Variants in RASAL2 observed in about 807,000 individuals in gnomAD.
The protein encoded by RASAL2 is RAS protein activator like 2.
RASAL2 carries 58 observed loss-of-function variants against 128.9 expected under a neutral mutation model. The observed-to-expected ratio is 0.45, with a 90% CI of 0.36 to 0.56. The LOEUF (loss-of-function observed/expected upper bound fraction) is 0.56. Among genes scored for constraint, RASAL2 ranks in the 20% least tolerant of loss-of-function variants. The pLI is 0.00. For missense variants in RASAL2, 1,360 were observed against 1,601.6 expected (o/e 0.85, Z 2.57); for synonymous variants, 561 against 580.8 (o/e 0.97, Z 0.49).
At chr1:178,233,780 G>T (rs1231383660) in intron 1 of RASAL2, among the ~76,000 whole-genome samples, 1 of 152,160 alleles carries the variant, frequency 6.6e-6, no homozygotes, top group Admixed American at 6.5e-5. Context: ...AGTCTGAGCA[G>T]CAGGGATATT....
intron 1 of RASAL2, among the ~76,000 whole-genome samples, chr1:178,105,997 T>TA (rs1659074664): frequency 6.6e-6 from 1 of 152,178 alleles, no homozygotes; most frequent in South Asian, 2.1e-4. Flanking sequence ...TTGAACTCAG[T>TA]AAAAATCAAT....
chr1:178,472,097 T>G (rs945906779), intron 17 of RASAL2, among the ~76,000 whole-genome samples: 6 of 152,194 alleles, frequency 3.9e-5, no homozygotes, highest in Non-Finnish European at 8.8e-5. Context: ...TCTAGAATGA[T>G]TTACTGAGCT....
In RASAL2 at chr1:178,249,868, G is replaced by A. The variant is rs190489420; in HGVS notation, c.203-33696G>A. ...GTTTGCTGGAGGTCCACTCCAGACC[G>A]TTTGCCTGGTTATCACCAGCGGAAG... On this transcript the variant is annotated intron_variant, in intron 1 of 17. Transcript: ENST00000367649. 1.2e-3 allele frequency among the ~76,000 whole-genome samples: 176 copies of A among 152,262 alleles called. 2 individuals are homozygous for A. Among genetic ancestry groups the A allele is most frequent in the Middle Eastern group, 3.4e-3 (1 of 294 alleles).
intron 1 of RASAL2, among the ~76,000 whole-genome samples, chr1:178,249,950 G>A (rs1571704947): frequency 6.6e-6 from 1 of 152,098 alleles, no homozygotes; most frequent in African/African-American, 2.4e-5. Flanking sequence ...GTCCCAGAGG[G>A]GCACCAGCCT....
intron 3 of RASAL2, among the ~76,000 whole-genome samples, chr1:178,323,599 G>C (rs1668895116): frequency 6.6e-6 from 1 of 152,154 alleles, no homozygotes; most frequent in African/African-American, 2.4e-5. Flanking sequence ...AAGTGTACTT[G>C]GTTGTGAATG....
At chr1:178,431,938 A>G (rs574623174) in intron 5 of RASAL2, among the ~76,000 whole-genome samples, 3 of 149,526 alleles carry the variant, frequency 2.0e-5, no homozygotes, top group East Asian at 3.9e-4. Context: ...TATATTACAT[A>G]CTTTATATAA....
At chr1:178,435,721 T>C (rs1189250890) in intron 5 of RASAL2, among the ~76,000 whole-genome samples, 1 of 152,074 alleles carries the variant, frequency 6.6e-6, no homozygotes, top group Non-Finnish European at 1.5e-5. Flanking sequence ...AGAAGTAAAA[T>C]TGCCTCTGGG....
chr1:178,339,830 G>A (rs186581302), intron 3 of RASAL2, among the ~76,000 whole-genome samples: 231 of 152,274 alleles, frequency 1.5e-3, no homozygotes, highest in African/African-American at 5.4e-3. Context: ...TGCTGTGTTT[G>A]TAAGTCAAAA....
In RASAL2 at chr1:178,445,507, T is replaced by G; in HGVS notation, c.1483-11T>G. 1 of 1,611,968 alleles carries G rather than the reference T, an allele frequency of 6.2e-7. No individual in the cohort carries two copies. Among genetic ancestry groups the G allele is most frequent in the Non-Finnish European group, 8.5e-7 (1 of 1,179,036 alleles). ...AGTTGCTTTCTGCCTGATTGAACATTATTCTACCAGGATTTTCTGACTGAC... is the reference window on the plus strand; with the variant it reads ...AGTTGCTTTCTGCCTGATTGAACATGATTCTACCAGGATTTTCTGACTGAC... On this transcript the variant is annotated splice_polypyrimidine_tract_variant and intron_variant, in intron 8 of 17. Transcript: ENST00000367649.
chr1:178,395,771 G>GTATATATATATATATATAAATA (rs1673176149), intron 4 of RASAL2, among the ~76,000 whole-genome samples: 1 of 133,024 alleles, frequency 7.5e-6, no homozygotes, highest in African/African-American at 3.4e-5. Context: ...TTAATGAACA[G>GTATATATATATATATATAAATA]TATATATATA....
intron 1 of RASAL2, among the ~76,000 whole-genome samples, chr1:178,171,529 A>G (rs2101911833): frequency 6.6e-6 from 1 of 152,186 alleles, no homozygotes; most frequent in East Asian, 1.9e-4. Flanking sequence ...GAGCCTATTC[A>G]GACAATATTT....
At chr1:178,201,663 A>G (rs1334739182) in intron 1 of RASAL2, among the ~76,000 whole-genome samples, 3 of 152,248 alleles carry the variant, frequency 2.0e-5, no homozygotes, top group Non-Finnish European at 4.4e-5. Context: ...CATAGCTACC[A>G]TAATGGACAG....
Position 178,222,988 on chromosome 1 carries a change from C to A in RASAL2, c.203-60576C>A, listed in dbSNP as rs369340239. Among the ~76,000 whole-genome samples the A allele has an allele frequency of 5.9e-5, 9 of 152,234 alleles. No homozygotes were observed. The South Asian group carries it at 1.4e-3, about 25-fold the overall frequency. ...AAATGACTCCCTGTAGTGCATTTAA[C>A]TGCTTCCTCACCCATGATCTGTATT... On this transcript the variant is annotated intron_variant, in intron 1 of 17. Coordinates refer to ENST00000367649, the MANE Select transcript of RASAL2 (RefSeq NM_170692.4).
intron 5 of RASAL2, among the ~76,000 whole-genome samples, chr1:178,437,368 T>C (rs1676318667): frequency 6.6e-6 from 1 of 152,110 alleles, no homozygotes; most frequent in Admixed American, 6.6e-5. Flanking sequence ...GAGAGTTGTT[T>C]TCTGACATAT....
At chr1:178,258,477 G>A (rs1665493628) in intron 1 of RASAL2, among the ~76,000 whole-genome samples, 1 of 152,098 alleles carries the variant, frequency 6.6e-6, no homozygotes. Context: ...AGTTCTCTAA[G>A]GATGGTATAC....
intron 1 of RASAL2, among the ~76,000 whole-genome samples, chr1:178,130,219 G>T (rs12034657): frequency 0.087 from 13,300 of 152,194 alleles, 619 homozygotes; most frequent in Middle Eastern, 0.13. Context: ...CTCTGGGCCT[G>T]TGGTCATTGA....
intron 3 of RASAL2, among the ~76,000 whole-genome samples, chr1:178,350,476 C>T (rs1458973488): frequency 6.6e-6 from 1 of 152,146 alleles, no homozygotes; most frequent in African/African-American, 2.4e-5. Flanking sequence ...TCAGGCAGTC[C>T]GCCTGCCTTG....
intron 17 of RASAL2, among the ~76,000 whole-genome samples, chr1:178,472,822 C>G (rs938509601): frequency 1.3e-5 from 2 of 151,838 alleles, no homozygotes; most frequent in African/African-American, 4.8e-5. Flanking sequence ...GTCTAATGTC[C>G]CAAGAGATTG....
chr1:178,296,407 T>C (rs1347274281), intron 2 of RASAL2, among the ~76,000 whole-genome samples: 1 of 152,142 alleles, frequency 6.6e-6, no homozygotes, highest in African/African-American at 2.4e-5. Context: ...TCACCCAGGC[T>C]GGAGTACAGT....
Sources: allele counts gnomAD v4.1 joint callset (sites outside exome capture counted in the v4.1 genomes callset), GRCh38; gene constraint gnomAD v4.1.1; transcripts MANE v1.5; gene names NCBI Gene and HGNC (gene_info 2026-07-23, HGNC 2026-07-21).